Variants in KLHL1 observed in about 807,000 individuals in gnomAD.
KLHL1 encodes kelch-like protein 1.
A neutral mutation model predicts 77.7 loss-of-function variants in KLHL1; 47 were observed. That is an observed-to-expected ratio of 0.60 (90% CI 0.48 to 0.77). The LOEUF (loss-of-function observed/expected upper bound fraction) is 0.77, where lower values mean the gene tolerates loss of function less well. Among genes scored for constraint, KLHL1 ranks in the 30% least tolerant of loss-of-function variants. The pLI is 0.00. For synonymous variants in KLHL1, 360 were observed against 325.2 expected (o/e 1.11, Z -1.15); for missense variants, 925 against 910.8 (o/e 1.02, Z -0.20).
chr13:69,893,849 G>A (rs1881528863), intron 4 of KLHL1, among the ~76,000 whole-genome samples: 1 of 152,126 alleles, frequency 6.6e-6, no homozygotes, highest in Admixed American at 6.5e-5. Context: ...ATAGGTATTT[G>A]TTGTGCGTGA....
intron 8 of KLHL1, among the ~76,000 whole-genome samples, chr13:69,731,615 C>G (rs1404290890): frequency 6.6e-6 from 1 of 152,096 alleles, no homozygotes; most frequent in East Asian, 1.9e-4. Context: ...ATAGCGAACA[C>G]TTTATACATT....
chr13:69,882,749 A>G (rs1881049277), intron 4 of KLHL1, among the ~76,000 whole-genome samples: 1 of 152,204 alleles, frequency 6.6e-6, no homozygotes, highest in African/African-American at 2.4e-5. Flanking sequence ...ATGCAGGCAG[A>G]ATGTACTAAG....
intron 8 of KLHL1, among the ~76,000 whole-genome samples, chr13:69,728,640 T>TA (rs1160111102): frequency 7.5e-6 from 1 of 133,816 alleles, no homozygotes; most frequent in Non-Finnish European, 1.6e-5. Context: ...CCGTCTCTAC[T>TA]AAAAATGCCA....
intron 9 of KLHL1, among the ~76,000 whole-genome samples, chr13:69,710,171 T>C (rs1175367958): frequency 6.6e-6 from 1 of 151,676 alleles, no homozygotes; most frequent in Non-Finnish European, 1.5e-5. Context: ...TTTCCAAAGG[T>C]TTAAGTTCTT....
chr13:69,995,136 G>A (rs533353827), intron 1 of KLHL1, among the ~76,000 whole-genome samples: 13 of 152,076 alleles, frequency 8.5e-5, no homozygotes, highest in Admixed American at 8.5e-4. Context: ...TTTATTTTTG[G>A]TTTCTTTTGA....
chr13:70,099,973 T>C (rs907225075), intron 1 of KLHL1, among the ~76,000 whole-genome samples: 1 of 152,008 alleles, frequency 6.6e-6, no homozygotes, highest in African/African-American at 2.4e-5. Flanking sequence ...TCAGGAATGT[T>C]AGTTCCCAAA....
At chr13:69,985,540 G>A (rs1213016287) in intron 1 of KLHL1, among the ~76,000 whole-genome samples, 3 of 151,604 alleles carry the variant, frequency 2.0e-5, no homozygotes, top group Admixed American at 2.0e-4. Flanking sequence ...TATTATGTTG[G>A]TGGGAATGTA....
intron 4 of KLHL1, among the ~76,000 whole-genome samples, chr13:69,902,781 G>C (rs1316570396): frequency 6.6e-6 from 1 of 151,456 alleles, no homozygotes; most frequent in Admixed American, 6.6e-5. Flanking sequence ...GGGAGGGATA[G>C]CATTAGGAGA....
At chr13:69,963,951 T>C (rs1884140784) in intron 2 of KLHL1, among the ~76,000 whole-genome samples, 1 of 152,186 alleles carries the variant, frequency 6.6e-6, no homozygotes, top group South Asian at 2.1e-4. Flanking sequence ...AAAAGTTATT[T>C]ACACATGACA....
At position 69,707,683 on chromosome 13, in the gene KLHL1, C is replaced by T. The variant is rs1875688347; in HGVS notation, c.2129G>A (p.Gly710Glu). The change falls in exon 10 of 11, where the codon GGA becomes GAA. Residue 710 changes from glycine (G) to glutamate (E), a missense_variant. Physicochemically the swap from Gly to Glu is moderately conservative, Grantham distance 98. Coordinates refer to ENST00000377844, the MANE Select transcript of KLHL1 (RefSeq NM_020866.3). ...TTCCATAGTGTTGAGGTATGTCTGT[C>T]CATCATAGCCACCAACAGCATATAA... is the stretch of plus-strand genomic sequence containing the variant. Reference protein sequence around the residue: ...DRLYAVGGYDGQTYLNTMESY... With the variant: ...DRLYAVGGYDEQTYLNTMESY... The T allele has an allele frequency of 1.2e-6, 2 of 1,612,734 alleles. No individual in the cohort carries two copies.
At chr13:69,988,836 T>C (rs1884946025) in intron 1 of KLHL1, among the ~76,000 whole-genome samples, 1 of 152,114 alleles carries the variant, frequency 6.6e-6, no homozygotes, top group African/African-American at 2.4e-5. Flanking sequence ...TTTATGTTCC[T>C]TATAGATTGT....
chr13:69,953,839 T>G (rs1181777299), intron 3 of KLHL1, among the ~76,000 whole-genome samples: 1 of 151,282 alleles, frequency 6.6e-6, no homozygotes, highest in East Asian at 1.9e-4. Flanking sequence ...ACTTTTATTC[T>G]TATGAAGGAT....
At chr13:69,899,718 A>C (rs1881790091) in intron 4 of KLHL1, among the ~76,000 whole-genome samples, 1 of 152,110 alleles carries the variant, frequency 6.6e-6, no homozygotes, top group African/African-American at 2.4e-5. Context: ...AAGGAACAAT[A>C]GAGAAAGATC....
intron 1 of KLHL1, among the ~76,000 whole-genome samples, chr13:70,021,291 C>T (rs1449424391): frequency 3.3e-5 from 5 of 152,076 alleles, no homozygotes; most frequent in Non-Finnish European, 1.5e-5. Context: ...ACCTTTTCCA[C>T]TCACTAATAT....
At chr13:69,774,836 TATC>T (rs1401347106) in intron 7 of KLHL1, among the ~76,000 whole-genome samples, 3 of 152,212 alleles carry the variant, frequency 2.0e-5, no homozygotes, top group African/African-American at 7.2e-5. Context: ...CAAGTCAGCT[TATC>T]ATTAAAGCTG....
At chr13:69,710,436 C>T (rs1381236552) in intron 9 of KLHL1, among the ~76,000 whole-genome samples, 5 of 151,838 alleles carry the variant, frequency 3.3e-5, no homozygotes, top group Non-Finnish European at 5.9e-5. Context: ...TCTGGTAATG[C>T]TAATAATATT....
chr13:70,021,929 C>T (rs1341462504), intron 1 of KLHL1, among the ~76,000 whole-genome samples: 1 of 151,912 alleles, frequency 6.6e-6, no homozygotes, highest in East Asian at 1.9e-4. Flanking sequence ...AGTAGTTTAT[C>T]CCAGTCTGTG....
chr13:69,822,450 T>C (rs74090471), intron 6 of KLHL1, among the ~76,000 whole-genome samples: 1,669 of 152,310 alleles, frequency 0.011, 26 homozygotes, highest in African/African-American at 0.038. Context: ...TATCAGAAAG[T>C]GACATTGTCT....
chr13:69,810,537 G>T (rs961382509), intron 6 of KLHL1, among the ~76,000 whole-genome samples: 9 of 151,780 alleles, frequency 5.9e-5, no homozygotes, highest in South Asian at 2.1e-4. Flanking sequence ...GCAAAAGCAA[G>T]GTTAACAACA....
Sources: gnomAD v4.1 joint callset for allele counts (sites outside exome capture counted in the v4.1 genomes callset) on GRCh38, gnomAD v4.1.1 for gene constraint, MANE v1.5 for transcripts, NCBI Gene and HGNC (gene_info 2026-07-23, HGNC 2026-07-21) for gene names.